The following PID1 variants were observed in gnomAD, a reference collection of about 807,000 sequenced individuals.
The protein encoded by PID1 is PTB-containing, cubilin and LRP1-interacting protein.
A neutral mutation model predicts 19.1 loss-of-function variants in PID1; 10 were observed. That is an observed-to-expected ratio of 0.52 (90% CI 0.32 to 0.89). PID1 has a LOEUF of 0.89. PID1 is among the 40% of genes least tolerant of loss of function. The probability of loss-of-function intolerance (pLI) is 0.03; values close to 1 mark genes in which losing one functional copy is unlikely to be tolerated. For synonymous variants in PID1, 130 were observed against 116.0 expected (o/e 1.12, Z -0.78); for missense variants, 248 against 285.3 (o/e 0.87, Z 0.94).
chr2:229,246,246 T>A (rs1385452949), intron 1 of PID1, among the ~76,000 whole-genome samples: 1 of 152,134 alleles, frequency 6.6e-6, no homozygotes, highest in Non-Finnish European at 1.5e-5. Context: ...CAGAAGGAAA[T>A]GATGCTTCAA....
At chr2:229,163,680 T>TGTGTGCGC (rs1365270238) in intron 1 of PID1, among the ~76,000 whole-genome samples, 15 of 103,712 alleles carry the variant, frequency 1.4e-4, no homozygotes, top group East Asian at 4.7e-4. Flanking sequence ...TGTGTGCGTG[T>TGTGTGCGC]GCGTGTGTGT....
At chr2:229,252,808 C>T (rs549213883) in intron 1 of PID1, among the ~76,000 whole-genome samples, 1 of 152,208 alleles carries the variant, frequency 6.6e-6, no homozygotes, top group Non-Finnish European at 1.5e-5. Flanking sequence ...TTTGGTTGCA[C>T]AACACTTCCC....
intron 2 of PID1, among the ~76,000 whole-genome samples, chr2:229,073,175 G>A (rs1292471429): frequency 6.6e-6 from 1 of 152,098 alleles, no homozygotes; most frequent in African/African-American, 2.4e-5. Context: ...ACCGGCGCCC[G>A]CCACCACGCC....
At chr2:229,123,808 A>G (rs1046267952) in intron 2 of PID1, among the ~76,000 whole-genome samples, 2 of 152,130 alleles carry the variant, frequency 1.3e-5, no homozygotes, top group Non-Finnish European at 2.9e-5. Context: ...CCCTTTGTAT[A>G]TGTTCTTGGG....
intron 2 of PID1, among the ~76,000 whole-genome samples, chr2:229,085,985 C>T (rs1694756549): frequency 6.6e-6 from 1 of 151,946 alleles, no homozygotes; most frequent in Non-Finnish European, 1.5e-5. Context: ...ACTGGATTTC[C>T]TTAAAAGTCA....
chr2:229,234,978 C>A (rs1692292886), intron 1 of PID1, among the ~76,000 whole-genome samples: 1 of 152,186 alleles, frequency 6.6e-6, no homozygotes, highest in African/African-American at 2.4e-5. Context: ...TCAAATGCAT[C>A]ATGCTTTATT....
At chr2:229,191,007 C>T (rs770189627) in intron 1 of PID1, among the ~76,000 whole-genome samples, 2 of 152,026 alleles carry the variant, frequency 1.3e-5, no homozygotes, top group African/African-American at 4.8e-5. Context: ...GAGTATGTTA[C>T]TAGGGAAAAA....
chr2:229,044,292 AG>A (rs1282539331), intron 2 of PID1, among the ~76,000 whole-genome samples: 1 of 152,010 alleles, frequency 6.6e-6, no homozygotes, highest in Non-Finnish European at 1.5e-5. Context: ...CAGGACTTAA[AG>A]GGCAATCTAT....
intron 1 of PID1, among the ~76,000 whole-genome samples, chr2:229,156,335 T>G (rs1456429619): frequency 1.3e-5 from 2 of 152,206 alleles, no homozygotes; most frequent in African/African-American, 4.8e-5. Context: ...GGGGTTATTT[T>G]GGGAAAAGTC....
chr2:229,133,206 G>A (rs1487542185), intron 2 of PID1, among the ~76,000 whole-genome samples: 1 of 152,208 alleles, frequency 6.6e-6, no homozygotes, highest in East Asian at 1.9e-4. Context: ...ATTACACCTT[G>A]ATCCGATAAT....
chr2:229,133,515 A>G (rs1327312376), intron 2 of PID1, among the ~76,000 whole-genome samples: 2 of 152,206 alleles, frequency 1.3e-5, no homozygotes, highest in Admixed American at 6.5e-5. Context: ...GAGATACACA[A>G]CCCAGATGAA....
intron 1 of PID1, among the ~76,000 whole-genome samples, chr2:229,245,577 C>A (rs114098487): frequency 0.011 from 1,620 of 152,256 alleles, 33 homozygotes; most frequent in African/African-American, 0.038. Context: ...GTGCTGCTTA[C>A]CAAGACAATT....
chr2:229,032,362 C>T (rs747555121), intron 2 of PID1, among the ~76,000 whole-genome samples: 10 of 152,146 alleles, frequency 6.6e-5, no homozygotes, highest in Non-Finnish European at 1.0e-4. Context: ...CTGGAGGTTC[C>T]GCAACTAACA....
intron 1 of PID1, among the ~76,000 whole-genome samples, chr2:229,174,900 G>A (rs1042113833): frequency 6.6e-6 from 1 of 152,166 alleles, no homozygotes; most frequent in African/African-American, 2.4e-5. Context: ...AGATGTCTAT[G>A]TCCCTTTCAG....
At chr2:229,245,180 C>A (rs1248007245) in intron 1 of PID1, 1 of 152,104 alleles carries the variant, frequency 6.6e-6, no homozygotes, top group Non-Finnish European at 1.5e-5. Context: ...TTCTGCATGA[C>A]TAAGTCTCTT....
At chr2:229,072,968 T>C (rs1018038153) in intron 2 of PID1, among the ~76,000 whole-genome samples, 2 of 152,232 alleles carry the variant, frequency 1.3e-5, no homozygotes, top group African/African-American at 4.8e-5. Flanking sequence ...AGCAAGGTGA[T>C]TACAAACTGC....
intron 2 of PID1, among the ~76,000 whole-genome samples, chr2:229,065,712 C>CA (rs71988256): frequency 0.15 from 15,463 of 103,898 alleles, 2,014 homozygotes; most frequent in African/African-American, 0.31. Flanking sequence ...TTGTGATTTA[C>CA]AAAAAAAAAA....
In PID1 at chr2:229,242,059, C is replaced by T. The variant is rs149233977; in HGVS notation, c.30+28955G>A. The stretch of plus-strand genomic sequence containing the variant: ...TGTTTTTGTTTTTGAGATGGGATCT[C>T]ACTACATCATTATTTCACCCAGGCT... On this transcript the variant is annotated intron_variant, in intron 1 of 2. Transcript: ENST00000392055. 8.7e-4 allele frequency among the ~76,000 whole-genome samples: 132 copies of T among 151,944 alleles called. 1 individual carries two copies. The highest frequency in any genetic ancestry group is 3.1e-3 in the African/African-American group (130 of 41,398).
chr2:229,256,449 A>T (rs1690298231), intron 1 of PID1, among the ~76,000 whole-genome samples: 1 of 152,214 alleles, frequency 6.6e-6, no homozygotes, highest in Admixed American at 6.5e-5. Context: ...GTATTGAAGC[A>T]CCCTGGACAA....
Sources: gnomAD v4.1 joint callset for allele counts (sites outside exome capture counted in the v4.1 genomes callset) on GRCh38, gnomAD v4.1.1 for gene constraint, MANE v1.5 for transcripts, NCBI Gene and HGNC (gene_info 2026-07-23, HGNC 2026-07-21) for gene names.